NOX3: variants seen among roughly 807,000 people sequenced by gnomAD.
NOX3 encodes the protein NADPH oxidase catalytic subunit-like 3.
A neutral mutation model predicts 76.7 loss-of-function variants in NOX3; 74 were observed. That is an observed-to-expected ratio of 0.96 (90% CI 0.80 to 1.17). NOX3 has a LOEUF of 1.17. NOX3 is among the 50% of genes most tolerant of loss of function. The probability of loss-of-function intolerance (pLI) is 0.00; values close to 1 mark genes in which losing one functional copy is unlikely to be tolerated. For synonymous variants in NOX3, 263 were observed against 261.1 expected, an observed-to-expected ratio of 1.01 and a Z score of -0.07; for missense variants, 695 against 703.3, an observed-to-expected ratio of 0.99 and a Z score of 0.13.
chr6:155,443,135 G>A (rs1290999925), intron 5 of NOX3, 138 bp downstream of exon 5: 15 of 993,728 alleles, frequency 1.5e-5, no homozygotes, highest in Non-Finnish European at 2.1e-5. Flanking sequence ...TAGAAAATGT[G>A]AAATTGAAAA....
In NOX3 at chr6:155,396,806, T is replaced by C. The variant is rs1327624481; in HGVS notation, c.*27+3A>G. 2.5e-6 allele frequency: 4 copies of C among 1,595,202 alleles called. No homozygotes were observed. Among genetic ancestry groups the C allele is most frequent in the Admixed American group, 3.5e-5 (2 of 57,818 alleles). The stretch of plus-strand genomic sequence containing the variant: ...CCTGACCTGTATGATTGCAGCCACT[T>C]ACACAATGCCTGGACTTGACCTCCA... On this transcript the variant is annotated splice_donor_region_variant and intron_variant, in intron 13 of 13. Coordinates refer to ENST00000159060, the MANE Select transcript of NOX3 (RefSeq NM_015718.3).
At chr6:155,450,115 G>A (rs577989804) in intron 4 of NOX3, among the ~76,000 whole-genome samples, 15 of 152,324 alleles carry the variant, frequency 9.8e-5, no homozygotes, top group Non-Finnish European at 1.9e-4. Flanking sequence ...AGTGGGATGA[G>A]GGGCACTTTG....
At chr6:155,446,322 C>A (rs536026679) in intron 4 of NOX3, among the ~76,000 whole-genome samples, 2 of 152,230 alleles carry the variant, frequency 1.3e-5, no homozygotes, top group East Asian at 3.9e-4. Context: ...AAATTGAACA[C>A]AAACATTGTC....
At chr6:155,433,943 C>A (rs1406497511) in intron 7 of NOX3, among the ~76,000 whole-genome samples, 1 of 152,156 alleles carries the variant, frequency 6.6e-6, no homozygotes, top group Non-Finnish European at 1.5e-5. Context: ...CAAAAAGTCA[C>A]GCTACAGTGA....
intron 7 of NOX3, among the ~76,000 whole-genome samples, chr6:155,434,629 A>G (rs1776877506): frequency 6.6e-6 from 1 of 152,192 alleles, no homozygotes. Context: ...GCCAGAAGAG[A>G]TATTGGCAAA....
At chr6:155,443,439 C>T in intron 4 of NOX3, 21 bp from the exon 5 acceptor site, 1 of 1,610,160 alleles carries the variant, frequency 6.2e-7, no homozygotes, top group Non-Finnish European at 8.5e-7. Flanking sequence ...GAGATGACAC[C>T]AAACATGCAC....
At chr6:155,440,252 C>A in intron 5 of NOX3, 115 bp from the exon 6 acceptor site, 1 of 788,052 alleles carries the variant, frequency 1.3e-6, no homozygotes, top group Non-Finnish European at 1.9e-6. Flanking sequence ...AGATTTCAAG[C>A]AGGGAGCCGT....
At chr6:155,453,581 C>G in intron 3 of NOX3, 93 bp from the exon 4 acceptor site, 1 of 983,186 alleles carries the variant, frequency 1.0e-6, no homozygotes, top group South Asian at 1.3e-5. Flanking sequence ...GGCTCTGCCT[C>G]TAAACTGCTT....
At chr6:155,431,029 G>T (rs934423671) in intron 7 of NOX3, 94 bp from the exon 8 acceptor site, 10 of 757,728 alleles carry the variant, frequency 1.3e-5, no homozygotes, top group Non-Finnish European at 2.2e-5. Flanking sequence ...ACATGATGGG[G>T]ATTAGATATT....
chr6:155,434,508 C>G (rs777447060), intron 7 of NOX3, among the ~76,000 whole-genome samples: 1 of 152,078 alleles, frequency 6.6e-6, no homozygotes, highest in Non-Finnish European at 1.5e-5. Flanking sequence ...GGGGTTGGAC[C>G]GAGCAAAGGA....
At chr6:155,448,479 T>G (rs1288461763) in intron 4 of NOX3, among the ~76,000 whole-genome samples, 4 of 152,038 alleles carry the variant, frequency 2.6e-5, no homozygotes, top group African/African-American at 9.7e-5. Context: ...CCCACTCAAT[T>G]GTGCCAGGCT....
intron 5 of NOX3, among the ~76,000 whole-genome samples, chr6:155,440,660 A>T (rs1776972162): frequency 6.7e-6 from 1 of 149,600 alleles, no homozygotes; most frequent in Admixed American, 6.7e-5. Context: ...AACAACAATA[A>T]CAAAATGGGA....
intron 12 of NOX3, among the ~76,000 whole-genome samples, chr6:155,404,103 A>C (rs901176004): frequency 3.7e-5 from 5 of 134,662 alleles, no homozygotes; most frequent in African/African-American, 1.6e-4. Flanking sequence ...TAAAACATTT[A>C]TCAGTGAATA....
chr6:155,404,137 TC>T (rs1475818082), intron 12 of NOX3, among the ~76,000 whole-genome samples: 1 of 148,684 alleles, frequency 6.7e-6, no homozygotes, highest in African/African-American at 2.5e-5. Flanking sequence ...ATTTTTTTTT[TC>T]CCAAAAGGAG....
At chr6:155,421,425 G>A (rs754262725) in intron 10 of NOX3, among the ~76,000 whole-genome samples, 3 of 152,062 alleles carry the variant, frequency 2.0e-5, no homozygotes, top group African/African-American at 4.8e-5. Flanking sequence ...GCAGAGACCC[G>A]AGTTTAGAGA....
intron 3 of NOX3, 101 bp from the exon 4 acceptor site, chr6:155,453,589 CTTAAAGTGGGGCTA>C (rs2114712235): frequency 1.1e-6 from 1 of 907,308 alleles, no homozygotes; most frequent in South Asian, 1.4e-5. Flanking sequence ...CTCTAAACTG[CTTAAAGTGGGGCTA>C]TGTGACACAA....
In NOX3 at chr6:155,400,432, C is replaced by A. The variant is rs151106361; in HGVS notation, c.1581-3470G>T. 6.5e-3 allele frequency among the ~76,000 whole-genome samples: 991 copies of A among 152,230 alleles called. 4 individuals are homozygous for A. Among genetic ancestry groups the A allele is most frequent in the South Asian group, 0.013 (63 of 4,820 alleles). The stretch of plus-strand genomic sequence containing the variant: ...CCTGAGTGCATTCTGCAAATAAAAT[C>A]GATAAACAGAAGCTTCCCGTGGATT... On this transcript the variant is annotated intron_variant, in intron 12 of 13. Transcript: ENST00000159060.
At chr6:155,443,487 A>G in intron 4 of NOX3, 69 bp from the exon 5 acceptor site, 1 of 1,537,902 alleles carries the variant, frequency 6.5e-7, no homozygotes, top group Non-Finnish European at 8.8e-7. Context: ...TAAAAAATAC[A>G]GTGTCTCTGT....
At position 155,455,777 on chromosome 6, in the gene NOX3, A is replaced by G; in HGVS notation, c.24T>C (p.Asn8=). The G allele has an allele frequency of 6.2e-7, 1 of 1,613,912 alleles. No individual in the cohort carries two copies. The highest frequency in any genetic ancestry group is 8.5e-7 in the Non-Finnish European group (1 of 1,179,774). MMGCWIL[N]EGLSTILVLS... ...CTACTAATATGGTGGAGAGACCCTC[A>G]TTCAAAATCCAGCACCCCATCATGA... The change falls in exon 1 of 14, where the codon AAT becomes AAC. Residue 8 remains asparagine (N), a synonymous_variant. Coordinates refer to ENST00000159060, the MANE Select transcript of NOX3 (RefSeq NM_015718.3).
Sources: allele counts gnomAD v4.1 joint callset (sites outside exome capture counted in the v4.1 genomes callset), GRCh38; gene constraint gnomAD v4.1.1; transcripts MANE v1.5; gene names NCBI Gene and HGNC (gene_info 2026-07-23, HGNC 2026-07-21).